The following CAPRIN2 variants were observed in gnomAD, a reference collection of about 807,000 sequenced individuals.
The protein encoded by CAPRIN2 is caprin family member 2.
CAPRIN2 carries 66 observed loss-of-function variants against 130.4 expected under a neutral mutation model. The observed-to-expected ratio is 0.51, with a 90% confidence interval of 0.42 to 0.62. The LOEUF (loss-of-function observed/expected upper bound fraction) is 0.62, where lower values mean the gene tolerates loss of function less well. CAPRIN2 is among the 20% of genes least tolerant of loss of function. The pLI, the probability that CAPRIN2 is intolerant of heterozygous loss-of-function variation, is 0.00. For synonymous variants in CAPRIN2, 471 were observed against 444.1 expected, an observed-to-expected ratio of 1.06 and a Z score of -0.76; for missense variants, 1,185 against 1,246.6, an observed-to-expected ratio of 0.95 and a Z score of 0.74.
Position 30,711,240 on chromosome 12 carries a change from C to CTTCTT in CAPRIN2, c.2665+325_2665+326insAAGAA, listed in dbSNP as rs1591881039. On this transcript the variant is annotated intron_variant, in intron 16 of 16. Transcript: ENST00000298892. ...CAGTGACACTACAGTAAGAAGTACCCATTATTACAAAAACCACCATCGTGA... is the reference window on the plus strand; with the variant it reads ...CAGTGACACTACAGTAAGAAGTACCCTTCTTATTATTACAAAAACCACCATCGTGA... Among the ~76,000 whole-genome samples the CTTCTT allele has an allele frequency of 2.0e-5, 3 of 152,182 alleles. No homozygotes were observed. In the East Asian group the frequency reaches 5.8e-4, roughly 29 times the overall value.
intron 13 of CAPRIN2, chr12:30,716,038 T>C (rs1304998804): frequency 6.3e-6 from 1 of 158,252 alleles, no homozygotes; most frequent in East Asian, 1.9e-4. Context: ...TCTTTCATGA[T>C]TTAGAACAGC....
chr12:30,739,796 T>C (rs2066572431), intron 3 of CAPRIN2, among the ~76,000 whole-genome samples: 1 of 152,112 alleles, frequency 6.6e-6, no homozygotes, highest in African/African-American at 2.4e-5. Flanking sequence ...TTATAGCAAC[T>C]TCCCAGACTA....
intron 3 of CAPRIN2, among the ~76,000 whole-genome samples, chr12:30,739,323 G>A (rs115569525): frequency 0.016 from 2,399 of 151,880 alleles, 61 homozygotes; most frequent in African/African-American, 0.055. Flanking sequence ...AATACCACAT[G>A]TTCTCACATA....
intron 11 of CAPRIN2, 146 bp downstream of exon 12, chr12:30,723,113 G>T: frequency 3.3e-6 from 2 of 614,810 alleles, no homozygotes; most frequent in Non-Finnish European, 5.7e-6. Context: ...AGGACAAGTC[G>T]TATTTAATCT....
intron 1 of CAPRIN2, among the ~76,000 whole-genome samples, chr12:30,751,873 G>C (rs2074057303): frequency 7.2e-6 from 1 of 138,316 alleles, no homozygotes. Context: ...AATTGCATTT[G>C]TTGGCCCCAT....
intron 6 of CAPRIN2, 31 bp downstream of exon 7, chr12:30,731,312 A>T: frequency 6.3e-7 from 1 of 1,584,258 alleles, no homozygotes. Context: ...AAATGCAACC[A>T]CTATAAGGAT....
At chr12:30,727,370 G>A (rs1324533874) in intron 8 of CAPRIN2, among the ~76,000 whole-genome samples, 1 of 152,132 alleles carries the variant, frequency 6.6e-6, no homozygotes, top group Non-Finnish European at 1.5e-5. Context: ...ACAGAATTAA[G>A]CCAAAGGTAA....
chr12:30,713,247 A>C (rs1418790097), intron 15 of CAPRIN2, among the ~76,000 whole-genome samples: 1 of 152,242 alleles, frequency 6.6e-6, no homozygotes, highest in Non-Finnish European at 1.5e-5. Context: ...GTTAAAGTGG[A>C]ATTTCTAACA....
rs559478442 is a variant in CAPRIN2 at position 30,730,269 on chromosome 12, T to C, written c.1074A>G (p.Glu358=). The C allele has an allele frequency of 1.9e-5, 30 of 1,610,118 alleles. No individual in the cohort carries two copies. The Admixed American group carries it at 4.5e-4, about 24-fold the overall frequency. Residue 358 remains glutamate, a synonymous_variant, in exon 7 of 17, where the codon GAA becomes GAG. Transcript: ENST00000298892. The stretch of plus-strand genomic sequence containing the variant: ...GTGGTTGTATCTCTGGCTGGGCAAA[T>C]TCCATTAGAGACTCTGGGATGATAA...
chr12:30,740,538 G>A (rs531526626), intron 3 of CAPRIN2, among the ~76,000 whole-genome samples: 2 of 152,260 alleles, frequency 1.3e-5, no homozygotes, highest in South Asian at 2.1e-4. Context: ...CTAACAAGTA[G>A]TGAGGCCAGA....
chr12:30,739,339 G>T (rs1030446941), intron 3 of CAPRIN2, among the ~76,000 whole-genome samples: 1 of 137,112 alleles, frequency 7.3e-6, no homozygotes, highest in Non-Finnish European at 1.6e-5. Flanking sequence ...ACATATAAGT[G>T]GGGGCTAAAC....
In CAPRIN2 at chr12:30,710,635, T is replaced by C; in HGVS notation, c.2666-165A>G. 1 of 1,081,898 alleles carries C rather than the reference T, an allele frequency of 9.2e-7. No individual in the cohort carries two copies. 67.0% of individuals were successfully genotyped at this position (1,081,898 alleles called of 1,614,324 possible). A position where few individuals can be genotyped will look rare whatever the true frequency, so the allele number is the denominator to read the frequency against. ...ATACTTTTCTAGATTTTTCTGGTAA[T>C]AGGTTTTTACATACTCTTCTAAAGC... On this transcript the variant is annotated intron_variant, in intron 16 of 16. Coordinates refer to ENST00000298892, the Ensembl canonical transcript of CAPRIN2. The surrounding 1 kb of genome is among the most constrained non-coding windows in gnomAD (Gnocchi z 4.8).
exon 15 of CAPRIN2, chr12:30,713,827 C>A: frequency 6.2e-7 from 1 of 1,611,488 alleles, no homozygotes; most frequent in Non-Finnish European, 8.5e-7. Flanking sequence ...TAGCTTGGAA[C>A]TGCAGCTGGC....
chr12:30,739,802 G>T (rs1303146575), intron 3 of CAPRIN2, among the ~76,000 whole-genome samples: 3 of 151,904 alleles, frequency 2.0e-5, no homozygotes, highest in African/African-American at 7.3e-5. Context: ...CAACTTCCCA[G>T]ACTATTGTAA....
rs955224049 is a variant in CAPRIN2, at chr12:30,713,863, G to A, written c.2523C>T (p.Leu841=). 4 of 1,605,092 alleles carry A rather than the reference G, an allele frequency of 2.5e-6. No individual in the cohort carries two copies. In the African/African-American group the frequency reaches 5.4e-5, roughly 21 times the overall value. Residue 841 remains leucine, a synonymous_variant, in exon 15 of 17, where the codon CTC becomes CTT. Coordinates refer to ENST00000298892, the Ensembl canonical transcript of CAPRIN2. ...TATAATTTCCATTGGAAATTGAAGGGAGTCCTCTATAAGTATCAAAACCTA... is the reference window on the plus strand; with the variant it reads ...TATAATTTCCATTGGAAATTGAAGGAAGTCCTCTATAAGTATCAAAACCTA...
At chr12:30,753,652 A>G (rs369242140) in exon 1 of CAPRIN2, 125 of 1,614,110 alleles carry the variant, frequency 7.7e-5, no homozygotes, top group Admixed American at 1.2e-4. Context: ...TTAGGACTAG[A>G]GGGACACAGC....
intron 2 of CAPRIN2, among the ~76,000 whole-genome samples, chr12:30,747,677 C>CAA (rs777165396): frequency 8.7e-6 from 1 of 115,052 alleles, no homozygotes; most frequent in Non-Finnish European, 1.9e-5. Flanking sequence ...AACACCGTCT[C>CAA]AAAAAAAAAA....
chr12:30,754,794 C>A (rs1292578951), upstream of CAPRIN2: 3 of 152,288 alleles, frequency 2.0e-5, no homozygotes, highest in South Asian at 1.9e-4. Flanking sequence ...CCCGGGCCCG[C>A]CTTCCAAAGC....
intron 14 of CAPRIN2, among the ~76,000 whole-genome samples, 175 bp from the exon 17 acceptor site, chr12:30,714,060 A>G (rs903759649): frequency 6.6e-6 from 1 of 152,226 alleles, no homozygotes; most frequent in Non-Finnish European, 1.5e-5. Context: ...ATATTTATAG[A>G]ACATTGCTGT....
Sources: gnomAD v4.1 joint callset for allele counts (sites outside exome capture counted in the v4.1 genomes callset) on GRCh38, gnomAD v4.1.1 for gene constraint, Gnocchi (gnomAD v3.1) non-coding constraint, MANE v1.5 for transcripts, NCBI Gene and HGNC (gene_info 2026-07-23, HGNC 2026-07-21) for gene names.